BBS9: variants seen among roughly 807,000 people sequenced by gnomAD.
BBS9 encodes the protein Bardet-Biedl syndrome 9.
A neutral mutation model predicts 117.7 loss-of-function variants in BBS9; 89 were observed. That is an observed-to-expected ratio of 0.76 (90% CI 0.64 to 0.90). The LOEUF (loss-of-function observed/expected upper bound fraction) is 0.90, where lower values mean the gene tolerates loss of function less well. BBS9 is among the 40% of genes least tolerant of loss of function. The pLI, the probability that BBS9 is intolerant of heterozygous loss-of-function variation, is 0.00. For synonymous variants in BBS9, 379 were observed against 370.9 expected (o/e 1.02, Z -0.25); for missense variants, 982 against 1,042.2 (o/e 0.94, Z 0.80).
At chr7:33,593,175 A>G (rs908912573) in intron 21 of BBS9, among the ~76,000 whole-genome samples, 1 of 152,170 alleles carries the variant, frequency 6.6e-6, no homozygotes, top group Non-Finnish European at 1.5e-5. Context: ...ATTGTACTGT[A>G]TAGTGAAGAA....
intron 5 of BBS9, among the ~76,000 whole-genome samples, chr7:33,226,570 T>C (rs1435851471): frequency 6.6e-6 from 1 of 152,188 alleles, no homozygotes; most frequent in African/African-American, 2.4e-5. Flanking sequence ...AAGCAGGGAT[T>C]AGGAAAGATA....
chr7:33,441,610 A>G (rs1256274172), intron 19 of BBS9, among the ~76,000 whole-genome samples: 1 of 152,018 alleles, frequency 6.6e-6, no homozygotes, highest in Non-Finnish European at 1.5e-5. Context: ...AAGCTTGAAA[A>G]CCCACATTTG....
At chr7:33,626,166 C>T (rs1865627933) in intron 21 of BBS9, among the ~76,000 whole-genome samples, 1 of 152,168 alleles carries the variant, frequency 6.6e-6, no homozygotes. Context: ...AAATGTGTAG[C>T]ACTTCTCCCT....
chr7:33,515,697 T>G (rs545739295), intron 20 of BBS9, among the ~76,000 whole-genome samples: 1 of 152,352 alleles, frequency 6.6e-6, no homozygotes, highest in African/African-American at 2.4e-5. Context: ...TGAGCTTAGT[T>G]GTATTGCTTG....
At chr7:33,324,764 C>T (rs1391439502) in intron 9 of BBS9, among the ~76,000 whole-genome samples, 1 of 151,850 alleles carries the variant, frequency 6.6e-6, no homozygotes, top group East Asian at 1.9e-4. Context: ...AGGAAAAAGT[C>T]TTTTTTTTCT....
intron 5 of BBS9, among the ~76,000 whole-genome samples, chr7:33,215,991 G>A (rs370337044): frequency 2.1e-5 from 1 of 47,596 alleles, no homozygotes; most frequent in Non-Finnish European, 4.7e-5. Context: ...TCTGAATGCT[G>A]ATTCCATTCA....
At chr7:33,423,480 G>C (rs1833177492) in intron 19 of BBS9, among the ~76,000 whole-genome samples, 1 of 151,942 alleles carries the variant, frequency 6.6e-6, no homozygotes, top group Non-Finnish European at 1.5e-5. Flanking sequence ...TGTGCACACT[G>C]TGCTTCTGGT....
chr7:33,332,677 A>AG (rs1814363735), intron 9 of BBS9, among the ~76,000 whole-genome samples: 1 of 31,326 alleles, frequency 3.2e-5, no homozygotes, highest in African/African-American at 1.2e-4. Context: ...GCTCCATGTC[A>AG]AAACAACAAC....
At chr7:33,290,246 T>C (rs1803751614) in intron 9 of BBS9, among the ~76,000 whole-genome samples, 1 of 152,084 alleles carries the variant, frequency 6.6e-6, no homozygotes, top group African/African-American at 2.4e-5. Context: ...ACCTCCACTT[T>C]CCAAAACCTT....
chr7:33,147,314 C>A (rs4723258), intron 2 of BBS9, among the ~76,000 whole-genome samples: 24,005 of 151,870 alleles, frequency 0.16, 2,072 homozygotes, highest in South Asian at 0.21. Context: ...TATAACTATT[C>A]TTTTGTTTAC....
chr7:33,445,189 C>G lies in BBS9; in HGVS notation c.2115+57045C>G, dbSNP rs546496170. On this transcript the variant is annotated intron_variant, in intron 19 of 22. Coordinates refer to ENST00000242067, the MANE Select transcript of BBS9 (RefSeq NM_198428.3). Reference sequence around the variant, plus strand: ...AGGACCTACATCCTGTAGGAGGAAGCAGAGCCTGGGTTTTCAGGCCTTTAA... The same window carrying G: ...AGGACCTACATCCTGTAGGAGGAAGGAGAGCCTGGGTTTTCAGGCCTTTAA... 4.9e-4 allele frequency among the ~76,000 whole-genome samples: 74 copies of G among 152,318 alleles called. 1 individual carries two copies. In the South Asian group the frequency reaches 0.015, roughly 32 times the overall value.
At chr7:33,216,963 C>T (rs61196657) in intron 5 of BBS9, among the ~76,000 whole-genome samples, 2,794 of 152,078 alleles carry the variant, frequency 0.018, 74 homozygotes, top group African/African-American at 0.062. Context: ...GGGGTGGTGG[C>T]GCACACCTGT....
intron 9 of BBS9, among the ~76,000 whole-genome samples, chr7:33,308,718 T>C (rs1465243779): frequency 1.3e-5 from 2 of 152,192 alleles, no homozygotes; most frequent in Non-Finnish European, 2.9e-5. Context: ...CCTTGGAATT[T>C]TGAAAATGCA....
At chr7:33,549,634 T>G in intron 21 of BBS9, among the ~76,000 whole-genome samples, 1 of 150,458 alleles carries the variant, frequency 6.6e-6, no homozygotes, top group Non-Finnish European at 1.5e-5. Flanking sequence ...AACAGACACT[T>G]CTCAAAAGAA....
intron 1 of BBS9, among the ~76,000 whole-genome samples, chr7:33,136,528 C>T (rs1790489541): frequency 6.6e-6 from 1 of 151,914 alleles, no homozygotes; most frequent in Non-Finnish European, 1.5e-5. Flanking sequence ...GAGGAACCTT[C>T]TATTCCTAGT....
chr7:33,589,258 A>C (rs995209565), intron 21 of BBS9, among the ~76,000 whole-genome samples: 4 of 152,162 alleles, frequency 2.6e-5, no homozygotes. Flanking sequence ...CAGGCAGCAT[A>C]TGCAGCATGG....
chr7:33,533,795 G>T (rs934079457), intron 20 of BBS9, 159 bp from the exon 21 acceptor site: 11 of 828,748 alleles, frequency 1.3e-5, no homozygotes, highest in Non-Finnish European at 1.7e-5. Context: ...GACAGAGCCA[G>T]AATTCCAAAC....
chr7:33,372,892 G>A (rs192337620), intron 17 of BBS9, among the ~76,000 whole-genome samples: 4 of 152,160 alleles, frequency 2.6e-5, no homozygotes, highest in Admixed American at 2.6e-4. Flanking sequence ...GTAGGTTTAT[G>A]TATCCAGGAA....
chr7:33,272,164 C>G (rs1799909773), intron 7 of BBS9, among the ~76,000 whole-genome samples: 1 of 152,130 alleles, frequency 6.6e-6, no homozygotes, highest in Admixed American at 6.6e-5. Context: ...ATCACATGTT[C>G]TCACTTAAAT....
Sources: allele counts gnomAD v4.1 joint callset (sites outside exome capture counted in the v4.1 genomes callset), GRCh38; gene constraint gnomAD v4.1.1; transcripts MANE v1.5; gene names NCBI Gene and HGNC (gene_info 2026-07-23, HGNC 2026-07-21).